NCF2: variants seen among roughly 807,000 people sequenced by gnomAD.
NCF2 encodes neutrophil cytosolic factor 2.
Under a neutral mutation model 70.9 loss-of-function variants are expected in NCF2, and 45 were observed. That is an observed-to-expected ratio of 0.63 (90% CI 0.50 to 0.81). The LOEUF (loss-of-function observed/expected upper bound fraction) is 0.81, where lower values mean the gene tolerates loss of function less well. Ranked by LOEUF, NCF2 falls within the 40% of genes least tolerant of loss-of-function variation. The probability of loss-of-function intolerance (pLI) is 0.00; values close to 1 mark genes in which losing one functional copy is unlikely to be tolerated. For synonymous variants in NCF2, 203 were observed against 233.6 expected (o/e 0.87, Z 1.19); for missense variants, 522 against 631.6 (o/e 0.83, Z 1.86).
the NCF2 span, among the ~76,000 whole-genome samples, chr1:183,596,451 G>A: frequency 1.3e-5 from 2 of 151,916 alleles, no homozygotes; most frequent in Non-Finnish European, 2.9e-5. Context: ...CCTGAATGAA[G>A]CAAGTAAATA....
intron 5 of NCF2, among the ~76,000 whole-genome samples, chr1:183,571,511 A>G (rs1012505935): frequency 2.0e-5 from 3 of 152,198 alleles, no homozygotes; most frequent in African/African-American, 7.2e-5. Context: ...AAATATTTTC[A>G]TCACCTCAGA....
chr1:183,596,690 C>T, the NCF2 span, among the ~76,000 whole-genome samples: 4 of 151,746 alleles, frequency 2.6e-5, no homozygotes, highest in Admixed American at 6.6e-5. Context: ...TGCAGTGAGC[C>T]GACATTGCAT....
chr1:183,556,390 C>A (rs1420099466), intron 14 of NCF2, among the ~76,000 whole-genome samples, 160 bp from the exon 15 acceptor site: 1 of 152,166 alleles, frequency 6.6e-6, no homozygotes, highest in Non-Finnish European at 1.5e-5. Flanking sequence ...AGAGTGAACA[C>A]AGGGTTTAAC....
At chr1:183,560,980 A>G (rs1327517992) in intron 13 of NCF2, among the ~76,000 whole-genome samples, 4 of 152,206 alleles carry the variant, frequency 2.6e-5, no homozygotes, top group East Asian at 1.9e-4. Context: ...TCCCAAAACT[A>G]CTAAATCAGA....
At chr1:183,578,754 G>C (rs1417130354) in intron 2 of NCF2, among the ~76,000 whole-genome samples, 1 of 152,210 alleles carries the variant, frequency 6.6e-6, no homozygotes, top group South Asian at 2.1e-4. Context: ...CAGGGCTGCT[G>C]TCCTGGGACT....
chr1:183,585,500 C>G (rs1048253909), intron 2 of NCF2, among the ~76,000 whole-genome samples: 1 of 152,000 alleles, frequency 6.6e-6, no homozygotes, highest in Admixed American at 6.5e-5. Context: ...TGGCGGGCAC[C>G]TGTAATCCCA....
At chr1:183,587,000 A>G (rs776639630) in intron 1 of NCF2, 23 bp from the exon 2 acceptor site, 4 of 1,600,066 alleles carry the variant, frequency 2.5e-6, no homozygotes, top group South Asian at 1.1e-5. Context: ...GGGTCCAGAC[A>G]TGGCCATGAT....
chr1:183,582,582 G>A (rs1673165706), intron 2 of NCF2, among the ~76,000 whole-genome samples: 1 of 152,226 alleles, frequency 6.6e-6, no homozygotes, highest in Admixed American at 6.5e-5. Context: ...CCTGCACCCA[G>A]GACAATGGAA....
At chr1:183,576,289 T>G (rs1035890631) in intron 3 of NCF2, among the ~76,000 whole-genome samples, 1 of 152,216 alleles carries the variant, frequency 6.6e-6, no homozygotes, top group South Asian at 2.1e-4. Flanking sequence ...AGGGCCATTT[T>G]AACCCCAACT....
intron 2 of NCF2, among the ~76,000 whole-genome samples, chr1:183,578,506 G>A (rs1421888331): frequency 1.3e-5 from 2 of 151,962 alleles, no homozygotes; most frequent in Non-Finnish European, 2.9e-5. Flanking sequence ...CTGGGACTAC[G>A]GGCGAGCGCC....
the NCF2 span, among the ~76,000 whole-genome samples, chr1:183,599,414 C>CTTTCT: frequency 6.9e-6 from 1 of 144,014 alleles, no homozygotes; most frequent in African/African-American, 2.6e-5. Context: ...TTCTTTCTTT[C>CTTTCT]TTTCTTTCCT....
At chr1:183,589,704 G>A (rs1558108755) in intron 1 of NCF2, among the ~76,000 whole-genome samples, 1 of 152,116 alleles carries the variant, frequency 6.6e-6, no homozygotes, top group East Asian at 1.9e-4. Context: ...GCTATTTTTT[G>A]TAAGTGCCTC....
chr1:183,593,420 C>G (rs1164185191), upstream of NCF2, among the ~76,000 whole-genome samples: 1 of 152,142 alleles, frequency 6.6e-6, no homozygotes, highest in Non-Finnish European at 1.5e-5. Context: ...GGATATAACC[C>G]GAACTCCTTC....
At chr1:183,573,061 C>G in intron 5 of NCF2, 124 bp downstream of exon 5, 1 of 870,908 alleles carries the variant, frequency 1.1e-6, no homozygotes, top group East Asian at 2.4e-5. Context: ...ATAAACAAGT[C>G]TCTCATTGCC....
Position 183,563,296 on chromosome 1 carries a change from G to A in NCF2, c.1189C>T (p.Arg397Trp), listed in dbSNP as rs145970396. 163 of 1,613,974 alleles carry A rather than the reference G, an allele frequency of 1.0e-4. No homozygotes were observed. The highest frequency in any genetic ancestry group is 1.3e-4 in the Non-Finnish European group (152 of 1,180,034). The change falls in exon 13 of 15, where the codon CGG becomes TGG. Residue 397 changes from arginine to tryptophan, a missense_variant. By Grantham distance (101) the Arg-to-Trp change is moderately radical. Coordinates refer to ENST00000367535, the MANE Select transcript of NCF2 (RefSeq NM_000433.4). ...LEHTKLSYRP[R>W]DSNELVPLSE... Reference sequence around the variant, plus strand: ...AGGGGCACCAGCTCATTGCTGTCCCGAGGCCGATAGCTGGGTGGGGATAAT... The same window carrying A: ...AGGGGCACCAGCTCATTGCTGTCCCAAGGCCGATAGCTGGGTGGGGATAAT...
At chr1:183,599,490 TTTCTTTCTCTTTTCTTCCTTCCTTCC>T in the NCF2 span, among the ~76,000 whole-genome samples, 1 of 148,796 alleles carries the variant, frequency 6.7e-6, no homozygotes, top group East Asian at 2.0e-4. Context: ...TTCTCTTTTC[TTTCTTTCTCTTTTCTTCCTTCCTTCC>T]TTCTTTCTCT....
At chr1:183,573,673 G>A (rs1672671565) in intron 4 of NCF2, among the ~76,000 whole-genome samples, 1 of 152,186 alleles carries the variant, frequency 6.6e-6, no homozygotes. Context: ...TTGCTGATGA[G>A]GATAGACATA....
intron 3 of NCF2, 94 bp from the exon 4 acceptor site, chr1:183,574,715 G>C: frequency 3.4e-6 from 5 of 1,476,418 alleles, no homozygotes; most frequent in Non-Finnish European, 4.7e-6. Context: ...AATGTTGCCT[G>C]GTAGCCTTTC....
intron 2 of NCF2, 151 bp from the exon 3 acceptor site, chr1:183,577,858 T>C (rs983590842): frequency 1.5e-6 from 1 of 681,426 alleles, no homozygotes; most frequent in Non-Finnish European, 2.6e-6. Flanking sequence ...TCAGCAACCC[T>C]GAGTCCAAGT....
Sources: gnomAD v4.1 joint callset for allele counts (sites outside exome capture counted in the v4.1 genomes callset) on GRCh38, gnomAD v4.1.1 for gene constraint, MANE v1.5 for transcripts, NCBI Gene and HGNC (gene_info 2026-07-23, HGNC 2026-07-21) for gene names.